PRPF39: variants seen among roughly 807,000 people sequenced by gnomAD.
PRPF39 encodes the protein pre-mRNA-processing factor 39.
Under a neutral mutation model 82.1 loss-of-function variants are expected in PRPF39, and 27 were observed. The ratio of observed to expected loss-of-function variants is 0.33; its 90% CI spans 0.24 to 0.45. PRPF39 has a LOEUF of 0.45. PRPF39 is among the 20% of genes least tolerant of loss of function. The pLI, the probability that PRPF39 is intolerant of heterozygous loss-of-function variation, is 1.00. For missense variants in PRPF39, 581 were observed against 796.9 expected (o/e 0.73, Z 3.26); for synonymous variants, 261 against 256.4 (o/e 1.02, Z -0.17).
chr14:45,113,220 T>C (rs1884744471), intron 11 of PRPF39, among the ~76,000 whole-genome samples: 1 of 152,230 alleles, frequency 6.6e-6, no homozygotes, highest in African/African-American at 2.4e-5. Context: ...GTGTATATAT[T>C]TTTGATGGCT....
intron 6 of PRPF39, 33 bp from the exon 7 acceptor site, chr14:45,108,382 T>G: frequency 1.3e-6 from 2 of 1,555,826 alleles, no homozygotes; most frequent in Non-Finnish European, 1.7e-6. Context: ...ATACAGTTTG[T>G]GAGATTTATT....
chr14:45,101,224 T>G (rs1370648358), intron 4 of PRPF39, among the ~76,000 whole-genome samples: 1 of 152,224 alleles, frequency 6.6e-6, no homozygotes, highest in African/African-American at 2.4e-5. Flanking sequence ...AGAATTTGAT[T>G]TTTTCTTGTT....
At chr14:45,093,766 G>T (rs1182818736) in intron 1 of PRPF39, among the ~76,000 whole-genome samples, 17 of 150,050 alleles carry the variant, frequency 1.1e-4, no homozygotes, top group African/African-American at 4.2e-4. Context: ...TGTTGGTGAG[G>T]CTGGTCTCGA....
At position 45,114,549 on chromosome 14, in the gene PRPF39, A is replaced by C. The variant is rs756693123; in HGVS notation, c.1888A>C (p.Thr630Pro). 8.7e-6 allele frequency: 14 copies of C among 1,603,326 alleles called. No individual in the cohort carries two copies. Among genetic ancestry groups the C allele is most frequent in the Non-Finnish European group, 1.2e-5 (14 of 1,174,038 alleles). The change falls in exon 13 of 14, where the codon ACA becomes CCA. Residue 630 changes from threonine to proline, a missense_variant. Coordinates refer to ENST00000355765, the MANE Select transcript of PRPF39 (RefSeq NM_017922.4). ...TACAGAAGATACAACTTCATCATCT[A>C]CACAGATGATTGATGGTGATTTACA... ...AHTEDTTSSS[T>P]QMIDGDLQAN...
Position 45,110,805 on chromosome 14 carries a change from C to T in PRPF39, c.1560C>T (p.Ile520=), listed in dbSNP as rs756380947. ...PKSRKVLLEA[I]ERDKENTKLY... Reference sequence around the variant, plus strand: ...CAAGAAAGGTGCTTTTGGAAGCAATCGAAAGAGACAAAGTATGCATTTGTA... The same window carrying T: ...CAAGAAAGGTGCTTTTGGAAGCAATTGAAAGAGACAAAGTATGCATTTGTA... The change falls in exon 10 of 14, where the codon ATC becomes ATT. Residue 520 remains isoleucine (I), a synonymous_variant. Coordinates refer to ENST00000355765, the MANE Select transcript of PRPF39 (RefSeq NM_017922.4). The surrounding 1 kb of genome is among the most constrained non-coding windows in gnomAD (Gnocchi z 4.0). 26 of 1,550,486 alleles carry T rather than the reference C, an allele frequency of 1.7e-5. No homozygotes were observed. The highest frequency in any genetic ancestry group is 1.7e-4 in the Middle Eastern group (1 of 5,984).
intron 2 of PRPF39, 131 bp from the exon 3 acceptor site, chr14:45,095,972 C>T (rs375831104): frequency 2.8e-6 from 2 of 720,930 alleles, no homozygotes; most frequent in Admixed American, 6.6e-5. Flanking sequence ...ATCGGCAGAG[C>T]AGCCTGCATG....
Position 45,115,772 on chromosome 14 carries a change from G to A in PRPF39, c.*859G>A, listed in dbSNP as rs1884818425. 1 of 153,950 alleles carries A rather than the reference G, an allele frequency of 6.5e-6. No homozygotes were observed. The highest frequency in any genetic ancestry group is 2.4e-5 in the African/African-American group (1 of 41,418). 9.5% of individuals were successfully genotyped at this position (153,950 alleles called of 1,614,324 possible). A position where few individuals can be genotyped will look rare whatever the true frequency, so the allele number is the denominator to read the frequency against. On this transcript the variant is annotated 3_prime_UTR_variant, in exon 14 of 14. Coordinates refer to ENST00000355765, the MANE Select transcript of PRPF39 (RefSeq NM_017922.4). ...GTTTCCCCTCAAGCCTTATGCTTTT[G>A]CCTTCTCATTATACAGGCAATCTGT...
At chr14:45,089,776 GGTT>G (rs1434621779) in intron 1 of PRPF39, among the ~76,000 whole-genome samples, 1 of 152,044 alleles carries the variant, frequency 6.6e-6, no homozygotes, top group African/African-American at 2.4e-5. Context: ...GAAAATTATT[GGTT>G]GTTGTTAAGA....
Position 45,112,326 on chromosome 14 carries a change from A to G in PRPF39, c.1581A>G (p.Thr527=). The change falls in exon 11 of 14, where the codon ACA becomes ACG. Residue 527 remains threonine, a synonymous_variant. Coordinates refer to ENST00000355765, the MANE Select transcript of PRPF39 (RefSeq NM_017922.4). ...TGCTGCTTTTTACACAGGAGAACAC[A>G]AAGTTATACCTCAATTTACTTGAAA... ...LEAIERDKEN[T]KLYLNLLEME... is the part of the protein sequence containing the mutation. 6.4e-7 allele frequency: 1 copy of G among 1,557,650 alleles called. No individual in the cohort carries two copies. Among genetic ancestry groups the G allele is most frequent in the South Asian group, 1.3e-5 (1 of 79,588 alleles).
At chr14:45,096,362 A>G (rs964009150) in intron 3 of PRPF39, 134 bp downstream of exon 3, 6 of 1,493,344 alleles carry the variant, frequency 4.0e-6, no homozygotes, top group Non-Finnish European at 5.3e-6. Flanking sequence ...TTTATAGGGT[A>G]TTTATTTGCA....
At chr14:45,106,505 A>G (rs1386930890) in intron 5 of PRPF39, among the ~76,000 whole-genome samples, 3 of 152,340 alleles carry the variant, frequency 2.0e-5, no homozygotes, top group African/African-American at 7.2e-5. Flanking sequence ...TTTGATTACA[A>G]TTTGTATGTA....
At chr14:45,084,712 C>G (rs1790541182) in intron 1 of PRPF39, among the ~76,000 whole-genome samples, 2 of 152,140 alleles carry the variant, frequency 1.3e-5, no homozygotes, top group Admixed American at 1.3e-4. Context: ...ATAAGCAACA[C>G]TTTTGCGACC....
Position 45,114,523 on chromosome 14 carries a change from A to G in PRPF39, c.1862A>G (p.His621Arg), listed in dbSNP as rs1884783412. The change falls in exon 13 of 14, where the codon CAT (histidine) becomes CGT (arginine). Residue 621 changes from histidine to arginine, a missense_variant. His to Arg is a conservative substitution (Grantham distance 29, BLOSUM62 0). Coordinates refer to ENST00000355765, the MANE Select transcript of PRPF39 (RefSeq NM_017922.4). ...GAAGAACCAGAGGAAAAGAAAGCAC[A>G]TACAGAAGATACAACTTCATCATCT... Reference protein sequence around the residue: ...GSEEPEEKKAHTEDTTSSSTQ... With the variant: ...GSEEPEEKKARTEDTTSSSTQ... The G allele has an allele frequency of 6.3e-7, 1 of 1,588,246 alleles. No individual in the cohort carries two copies. The highest frequency in any genetic ancestry group is 8.5e-7 in the Non-Finnish European group (1 of 1,172,662).
At chr14:45,107,854 G>A (rs1884582938) in intron 6 of PRPF39, among the ~76,000 whole-genome samples, 4 of 152,036 alleles carry the variant, frequency 2.6e-5, no homozygotes, top group Non-Finnish European at 4.4e-5. Context: ...GCTTGAACCT[G>A]GAAGGCGGAG....
intron 5 of PRPF39, among the ~76,000 whole-genome samples, chr14:45,105,023 A>G (rs1884482764): frequency 6.6e-6 from 1 of 152,200 alleles, no homozygotes; most frequent in Admixed American, 6.5e-5. Context: ...CACCAGTAAC[A>G]CTGCTTTGAA....
At chr14:45,105,344 T>C (rs1017437937) in intron 5 of PRPF39, among the ~76,000 whole-genome samples, 1 of 152,174 alleles carries the variant, frequency 6.6e-6, no homozygotes, top group African/African-American at 2.4e-5. Context: ...AGTTTTAATA[T>C]TCATCTGTAA....
At chr14:45,113,825 G>A (rs920282933) in intron 11 of PRPF39, among the ~76,000 whole-genome samples, 1 of 152,182 alleles carries the variant, frequency 6.6e-6, no homozygotes, top group Non-Finnish European at 1.5e-5. Flanking sequence ...AGTAGTGGAA[G>A]CGTGATCTTG....
At chr14:45,097,106 A>G (rs1884222581) in intron 4 of PRPF39, 101 bp downstream of exon 4, 8 of 1,398,006 alleles carry the variant, frequency 5.7e-6, no homozygotes, top group Non-Finnish European at 7.5e-6. Flanking sequence ...TTTAACTTCT[A>G]TTCCATTGTT....
chr14:45,113,399 T>C (rs1167222805), intron 11 of PRPF39, among the ~76,000 whole-genome samples: 2 of 152,218 alleles, frequency 1.3e-5, no homozygotes, highest in African/African-American at 2.4e-5. Flanking sequence ...GTTCTCTTAA[T>C]AGATGAGAGG....
Sources: gnomAD v4.1 joint callset for allele counts (sites outside exome capture counted in the v4.1 genomes callset) on GRCh38, gnomAD v4.1.1 for gene constraint, Gnocchi (gnomAD v3.1) non-coding constraint, MANE v1.5 for transcripts, NCBI Gene and HGNC (gene_info 2026-07-23, HGNC 2026-07-21) for gene names.